The following AGBL2 variants were observed in gnomAD, a reference collection of about 807,000 sequenced individuals.
The protein encoded by AGBL2 is cytosolic carboxypeptidase 2.
AGBL2 carries 87 observed loss-of-function variants against 103.0 expected under a neutral mutation model. The observed-to-expected ratio is 0.84, with a 90% CI of 0.71 to 1.01. The LOEUF is 1.01. Among genes scored for constraint, AGBL2 ranks in the 50% least tolerant of loss-of-function variants. AGBL2 has a pLI of 0.00. For synonymous variants in AGBL2, 335 were observed against 356.7 expected, an observed-to-expected ratio of 0.94 and a Z score of 0.69; for missense variants, 904 against 1,023.5, an observed-to-expected ratio of 0.88 and a Z score of 1.59.
At position 47,685,991 on chromosome 11, in the gene AGBL2, T is replaced by C; in HGVS notation, c.1690A>G (p.Asn564Asp). Residue 564 changes from asparagine to aspartate, a missense_variant, in exon 11 of 19, where the codon AAT becomes GAT. Transcript: ENST00000525123. Reference sequence around the variant, plus strand: ...TTACAGCCATACAGGAAGATATTATTCTTACGACTGTGGCCATGGAAATCA... The same window carrying C: ...TTACAGCCATACAGGAAGATATTATCCTTACGACTGTGGCCATGGAAATCA... Reference protein sequence around the residue: ...YCDFHGHSRKNNIFLYGCNNN... With the variant: ...YCDFHGHSRKDNIFLYGCNNN... 1 of 1,614,040 alleles carries C rather than the reference T, an allele frequency of 6.2e-7. No homozygotes were observed. The highest frequency in any genetic ancestry group is 8.5e-7 in the Non-Finnish European group (1 of 1,179,944).
At chr11:47,668,551 C>T (rs2097347995) in intron 15 of AGBL2, among the ~76,000 whole-genome samples, 2 of 152,010 alleles carry the variant, frequency 1.3e-5, no homozygotes, top group Non-Finnish European at 2.9e-5. Flanking sequence ...CTGTGATTTA[C>T]AATATGAAAT....
intron 2 of AGBL2, 94 bp from the exon 3 acceptor site, chr11:47,714,441 C>T: frequency 7.3e-7 from 1 of 1,366,872 alleles, no homozygotes; most frequent in Non-Finnish European, 1.0e-6. Flanking sequence ...TAGGACTAGA[C>T]TAAACCAAGC....
At chr11:47,666,900 C>T (rs760928188) in intron 17 of AGBL2, 56 bp downstream of exon 17, 30 of 1,112,926 alleles carry the variant, frequency 2.7e-5, no homozygotes, top group Non-Finnish European at 3.4e-5. Context: ...GAGAGAGGTG[C>T]TAATTCGAGA....
intron 5 of AGBL2, 45 bp downstream of exon 5, chr11:47,705,819 C>CA: frequency 6.4e-7 from 1 of 1,574,366 alleles, no homozygotes; most frequent in Non-Finnish European, 8.7e-7. Flanking sequence ...AGACATAGTC[C>CA]AAAAAAGGAG....
At chr11:47,700,032 A>G (rs1319996509) in intron 7 of AGBL2, among the ~76,000 whole-genome samples, 1 of 151,790 alleles carries the variant, frequency 6.6e-6, no homozygotes, top group Non-Finnish European at 1.5e-5. Flanking sequence ...ATCTCGGCTC[A>G]CCGCAACCTC....
chr11:47,704,903 AT>A (rs2097512163), intron 6 of AGBL2, among the ~76,000 whole-genome samples, 175 bp from the exon 7 acceptor site: 1 of 152,210 alleles, frequency 6.6e-6, no homozygotes, highest in African/African-American at 2.4e-5. Context: ...CAGGTTCAAA[AT>A]TATAAAACGT....
intron 13 of AGBL2, 75 bp downstream of exon 13, chr11:47,679,898 T>C: frequency 3.1e-6 from 3 of 964,338 alleles, no homozygotes; most frequent in Non-Finnish European, 4.9e-6. Context: ...CACTTCAGCC[T>C]CCCAAAGTGC....
intron 11 of AGBL2, among the ~76,000 whole-genome samples, chr11:47,683,345 T>C (rs1203724358): frequency 6.6e-6 from 1 of 151,542 alleles, no homozygotes; most frequent in Non-Finnish European, 1.5e-5. Flanking sequence ...TGACTCCGGC[T>C]TGGGCGACAG....
intron 8 of AGBL2, among the ~76,000 whole-genome samples, chr11:47,697,383 C>T (rs1399362306): frequency 6.6e-6 from 1 of 151,736 alleles, no homozygotes; most frequent in Non-Finnish European, 1.5e-5. Context: ...TAACTACAGG[C>T]GCATGCCATC....
At chr11:47,695,165 A>G (rs2097462848) in intron 8 of AGBL2, among the ~76,000 whole-genome samples, 1 of 148,478 alleles carries the variant, frequency 6.7e-6, no homozygotes, top group African/African-American at 2.5e-5. Context: ...ACAAACAAAC[A>G]AAACAAAAAC....
chr11:47,690,580 C>G lies in AGBL2; in HGVS notation c.1127G>C (p.Cys376Ser). ...TGGAAACTGAATGGTCCACGTGAGA[C>G]AGTAGAAGGGCTGCTGCCCATCATC... ...NTDDGQQPFYCLTWTIQFPYD... is the reference protein window; with the variant it reads ...NTDDGQQPFYSLTWTIQFPYD... Residue 376 changes from cysteine to serine, a missense_variant, in exon 10 of 19, where the codon TGT (cysteine) becomes TCT (serine). By Grantham distance (112) the Cys-to-Ser change is moderately radical. Coordinates refer to ENST00000525123, the MANE Select transcript of AGBL2 (RefSeq NM_024783.4). 6.2e-7 allele frequency: 1 copy of G among 1,614,140 alleles called. No homozygotes were observed. Among genetic ancestry groups the G allele is most frequent in the Admixed American group, 1.7e-5 (1 of 59,996 alleles).
intron 18 of AGBL2, 57 bp from the exon 19 acceptor site, chr11:47,660,403 T>G (rs182317012): frequency 6.5e-7 from 1 of 1,538,326 alleles, no homozygotes; most frequent in African/African-American, 1.4e-5. Context: ...TTTCCAAATA[T>G]GTAGTTAGGG....
rs1410679819 is a variant in AGBL2 at position 47,660,347 on chromosome 11, C to T, written c.2536-1G>A. 6.2e-7 allele frequency: 1 copy of T among 1,607,066 alleles called. No individual in the cohort carries two copies. Among genetic ancestry groups the T allele is most frequent in the East Asian group, 2.2e-5 (1 of 44,750 alleles). On this transcript the variant is annotated splice_acceptor_variant, in intron 18 of 18. Transcript: ENST00000525123. LOFTEE classifies it high-confidence loss of function. ...ATACTGTAAAGCCTGGCTTCTTATT[C>T]TGTGCAAATAAGATTTTAAAAAGTT...
rs2097546310 is a variant in AGBL2, at chr11:47,715,340, C to T, written c.-266G>A. 1 of 152,270 alleles carries T rather than the reference C, an allele frequency of 6.6e-6. No individual in the cohort carries two copies. The highest frequency in any genetic ancestry group is 2.1e-4 in the South Asian group (1 of 4,836). The allele number at this position is 152,270 out of a possible 1,614,324, so 9.4% of individuals were successfully genotyped here. On this transcript the variant is annotated 5_prime_UTR_variant, in exon 1 of 19. Transcript: ENST00000525123. ...GGACAAACTCGCTGCACCCGCCCGC[C>T]ACCGCCTTCTGTGAGGGCCCGGGTA... is the stretch of plus-strand genomic sequence containing the variant.
At chr11:47,682,509 A>G (rs1235390610) in intron 11 of AGBL2, among the ~76,000 whole-genome samples, 1 of 152,110 alleles carries the variant, frequency 6.6e-6, no homozygotes, top group Non-Finnish European at 1.5e-5. Flanking sequence ...TTTGGCATTC[A>G]AGGCACTAGC....
intron 8 of AGBL2, among the ~76,000 whole-genome samples, chr11:47,695,186 C>A (rs1382472451): frequency 1.3e-5 from 2 of 150,150 alleles, no homozygotes; most frequent in Non-Finnish European, 3.0e-5. Flanking sequence ...AAAAACGCCA[C>A]AACAAAGGCT....
At position 47,697,601 on chromosome 11, in the gene AGBL2, A is replaced by G. The variant is rs1044753422; in HGVS notation, c.694+1845T>C. On this transcript the variant is annotated intron_variant, in intron 8 of 18. Transcript: ENST00000525123. Reference sequence around the variant, plus strand: ...TGCTCTGTCGCCCAGGCTAGAGTGCAGTGGCGCAATCTTGGCTCACTGCAA... The same window carrying G: ...TGCTCTGTCGCCCAGGCTAGAGTGCGGTGGCGCAATCTTGGCTCACTGCAA... Among the ~76,000 whole-genome samples the G allele has an allele frequency of 6.2e-4, 77 of 124,748 alleles. 1 individual carries two copies. The highest frequency in any genetic ancestry group is 2.0e-3 in the African/African-American group (64 of 31,668). The allele number at this position is 124,748 out of a possible 152,430, so 81.8% of individuals were successfully genotyped here.
chr11:47,672,198 A>G, intron 14 of AGBL2, among the ~76,000 whole-genome samples: 1 of 151,988 alleles, frequency 6.6e-6, no homozygotes, highest in Non-Finnish European at 1.5e-5. Flanking sequence ...CAATCCTCCC[A>G]TCTCAGTCTC....
chr11:47,692,265 A>G lies in AGBL2; in HGVS notation c.695-9T>C, dbSNP rs759401051. On this transcript the variant is annotated splice_polypyrimidine_tract_variant and intron_variant, in intron 8 of 18. Transcript: ENST00000525123. ...GGAACCTTCTATAGGCACTGCAGAGAAAAGATATATTTAGGCTAGGTTCTA... is the reference window on the plus strand; with the variant it reads ...GGAACCTTCTATAGGCACTGCAGAGGAAAGATATATTTAGGCTAGGTTCTA... The G allele has an allele frequency of 6.2e-7, 1 of 1,612,866 alleles. No individual in the cohort carries two copies. The highest frequency in any genetic ancestry group is 1.1e-5 in the South Asian group (1 of 90,996).
Sources: allele counts gnomAD v4.1 joint callset (sites outside exome capture counted in the v4.1 genomes callset), GRCh38; gene constraint gnomAD v4.1.1; transcripts MANE v1.5; gene names NCBI Gene and HGNC (gene_info 2026-07-23, HGNC 2026-07-21).